Variants in COMMD1 observed in about 807,000 individuals in gnomAD.
The protein encoded by COMMD1 is copper metabolism domain containing 1.
Under a neutral mutation model 17.2 loss-of-function variants are expected in COMMD1, and 10 were observed. The observed-to-expected ratio is 0.58, with a 90% confidence interval of 0.36 to 0.99. COMMD1 has a LOEUF of 0.99. Among genes scored for constraint, COMMD1 ranks in the 50% least tolerant of loss-of-function variants. The pLI, the probability that COMMD1 is intolerant of heterozygous loss-of-function variation, is 0.01. For missense variants in COMMD1, 270 were observed against 231.8 expected, an observed-to-expected ratio of 1.17 and a Z score of -1.07; for synonymous variants, 97 against 91.6, an observed-to-expected ratio of 1.06 and a Z score of -0.34.
At chr2:61,925,518 T>A (rs148557708) in intron 1 of COMMD1, among the ~76,000 whole-genome samples, 7 of 152,330 alleles carry the variant, frequency 4.6e-5, no homozygotes, top group African/African-American at 1.7e-4. Flanking sequence ...TTATGCTTCC[T>A]ACGACCTCCC....
At chr2:61,953,155 G>T (rs1400331146) in intron 1 of COMMD1, among the ~76,000 whole-genome samples, 1 of 151,672 alleles carries the variant, frequency 6.6e-6, no homozygotes, top group Non-Finnish European at 1.5e-5. Flanking sequence ...GATTACAGGG[G>T]TGTGCCACCA....
intron 2 of COMMD1, among the ~76,000 whole-genome samples, chr2:62,099,579 T>C (rs1235453898): frequency 6.6e-6 from 1 of 152,028 alleles, no homozygotes; most frequent in East Asian, 1.9e-4. Context: ...CTCTCTTTTT[T>C]TTTTTTTTAA....
chr2:62,080,231 T>C (rs917781927), intron 2 of COMMD1, among the ~76,000 whole-genome samples: 1 of 152,136 alleles, frequency 6.6e-6, no homozygotes, highest in Admixed American at 6.6e-5. Flanking sequence ...GGCAGGAGAA[T>C]GATTTGAGCC....
chr2:62,124,395 A>T (rs896422456), intron 2 of COMMD1, among the ~76,000 whole-genome samples: 1 of 152,196 alleles, frequency 6.6e-6, no homozygotes, highest in African/African-American at 2.4e-5. Flanking sequence ...TGGTCACATT[A>T]ACCAGTTTAA....
chr2:62,020,798 G>A lies in COMMD1; in HGVS notation c.462+19816G>A, dbSNP rs140832776. On this transcript the variant is annotated intron_variant, in intron 2 of 2. Coordinates refer to ENST00000311832, the MANE Select transcript of COMMD1 (RefSeq NM_152516.4). ...GCAGATCACCTGAGGTCAGGAGTTCGAGACCAGCCTGACCAACATGGAGAA... is the reference window on the plus strand; with the variant it reads ...GCAGATCACCTGAGGTCAGGAGTTCAAGACCAGCCTGACCAACATGGAGAA... 5.5e-3 allele frequency among the ~76,000 whole-genome samples: 832 copies of A among 152,160 alleles called. 11 individuals are homozygous for A. Among genetic ancestry groups the A allele is most frequent in the African/African-American group, 0.019 (790 of 41,520 alleles).
intron 1 of COMMD1, among the ~76,000 whole-genome samples, chr2:61,989,538 C>A (rs1044484681): frequency 2.9e-4 from 44 of 151,616 alleles, no homozygotes; most frequent in African/African-American, 1.0e-3. Context: ...TCTGGGCTCA[C>A]TGCAACCTCC....
chr2:61,976,594 T>C (rs1425459393), intron 1 of COMMD1, among the ~76,000 whole-genome samples: 1 of 152,162 alleles, frequency 6.6e-6, no homozygotes, highest in African/African-American at 2.4e-5. Flanking sequence ...CTATCAGTAA[T>C]GGACAAATGT....
At chr2:62,031,259 A>G (rs947467721) in intron 2 of COMMD1, among the ~76,000 whole-genome samples, 1 of 152,250 alleles carries the variant, frequency 6.6e-6, no homozygotes, top group African/African-American at 2.4e-5. Flanking sequence ...GTATAACAGA[A>G]GACAAAATAT....
chr2:61,974,643 G>C (rs1298988060), intron 1 of COMMD1, among the ~76,000 whole-genome samples: 4 of 145,154 alleles, frequency 2.8e-5, no homozygotes, highest in African/African-American at 1.0e-4. Flanking sequence ...CTGCACTCCA[G>C]CCTGGGCGAC....
At chr2:61,915,303 G>A (rs903145908) in intron 1 of COMMD1, among the ~76,000 whole-genome samples, 13 of 152,020 alleles carry the variant, frequency 8.6e-5, no homozygotes, top group Non-Finnish European at 1.5e-4. Context: ...ACTGCACCCA[G>A]CCCGGATTAT....
chr2:62,018,790 A>G (rs1037125794), intron 2 of COMMD1, among the ~76,000 whole-genome samples: 10 of 152,218 alleles, frequency 6.6e-5, no homozygotes, highest in African/African-American at 2.4e-4. Context: ...CTGCCATAAC[A>G]GAATACCTGA....
chr2:62,001,457 G>A (rs553360875), intron 2 of COMMD1, among the ~76,000 whole-genome samples: 52 of 152,120 alleles, frequency 3.4e-4, no homozygotes, highest in Middle Eastern at 3.2e-3. Context: ...TGTCCTTGAG[G>A]TCACAAATAA....
chr2:62,001,625 T>G (rs933533958), intron 2 of COMMD1, among the ~76,000 whole-genome samples: 4 of 152,034 alleles, frequency 2.6e-5, no homozygotes, highest in African/African-American at 9.7e-5. Context: ...GCTTATGTCT[T>G]TGGGGAAAAA....
At chr2:61,904,561 A>G (rs1201336385), upstream of COMMD1, among the ~76,000 whole-genome samples, 3 of 152,224 alleles carry the variant, frequency 2.0e-5, no homozygotes, top group Non-Finnish European at 1.5e-5. Context: ...ATAAAGATGT[A>G]AAGATGCAGA....
upstream of COMMD1, among the ~76,000 whole-genome samples, chr2:61,901,349 G>A (rs1330831393): frequency 6.6e-6 from 1 of 151,962 alleles, no homozygotes; most frequent in East Asian, 1.9e-4. Flanking sequence ...ATTGCTGGGG[G>A]CAGTGGCTCA....
intron 1 of COMMD1, chr2:61,918,737 A>G (rs1263773887): frequency 6.6e-6 from 1 of 152,192 alleles, no homozygotes; most frequent in African/African-American, 2.4e-5. Flanking sequence ...CCTATCTTAT[A>G]TATGATAAAT....
intron 2 of COMMD1, among the ~76,000 whole-genome samples, chr2:62,028,650 G>T (rs1669836733): frequency 6.6e-6 from 1 of 152,014 alleles, no homozygotes; most frequent in African/African-American, 2.4e-5. Context: ...CCCCAAAAGG[G>T]TGTTATATTC....
chr2:62,072,439 A>T (rs1671222240), intron 2 of COMMD1, among the ~76,000 whole-genome samples: 1 of 152,196 alleles, frequency 6.6e-6, no homozygotes, highest in Non-Finnish European at 1.5e-5. Flanking sequence ...GGTAGGGGTT[A>T]CCCACTTAAA....
chr2:61,893,092 C>T (rs1039188952), intron 1 of COMMD1, among the ~76,000 whole-genome samples: 1 of 151,980 alleles, frequency 6.6e-6, no homozygotes, highest in Non-Finnish European at 1.5e-5. Flanking sequence ...GTTTCGAACT[C>T]CCGACCACAG....
Sources: allele counts gnomAD v4.1 joint callset (sites outside exome capture counted in the v4.1 genomes callset), GRCh38; gene constraint gnomAD v4.1.1; transcripts MANE v1.5; gene names NCBI Gene and HGNC (gene_info 2026-07-23, HGNC 2026-07-21).